TENT5D: variants seen among roughly 807,000 people sequenced by gnomAD.
The protein encoded by TENT5D is terminal nucleotidyltransferase 5D.
For synonymous variants in TENT5D, 103 were observed against 100.6 expected, an observed-to-expected ratio of 1.02 and a Z score of -0.15; for missense variants, 191 against 287.0, an observed-to-expected ratio of 0.67 and a Z score of 2.42.
intron 2 of TENT5D, among the ~76,000 whole-genome samples, chrX:80,337,184 G>C (rs1241265747): frequency 9.0e-6 from 1 of 111,107 alleles, no homozygotes; most frequent in Non-Finnish European, 1.9e-5. Context: ...AATATAAAAA[G>C]GAAAGAAAAT....
chrX:80,415,628 A>G (rs899347042), upstream of TENT5D, among the ~76,000 whole-genome samples: 1 of 112,157 alleles, frequency 8.9e-6, no homozygotes, highest in Non-Finnish European at 1.9e-5. Context: ...CCAACCTTAC[A>G]TCCCAGGGAT....
chrX:80,439,644 A>G (rs929608251), intron 2 of TENT5D, among the ~76,000 whole-genome samples: 2 of 110,846 alleles, frequency 1.8e-5, no homozygotes, highest in Non-Finnish European at 3.8e-5. Context: ...ATTATTGTCA[A>G]ATCTTGATTA....
At chrX:80,373,911 T>G (rs1602508001) in intron 3 of TENT5D, among the ~76,000 whole-genome samples, 1 of 111,371 alleles carries the variant, frequency 9.0e-6, no homozygotes, top group African/African-American at 3.3e-5. Context: ...TCATTGGGTT[T>G]GTTTTATAGA....
chrX:80,409,036 C>A (rs1463106324), intron 3 of TENT5D, among the ~76,000 whole-genome samples: 1 of 110,325 alleles, frequency 9.1e-6, no homozygotes, highest in African/African-American at 3.3e-5. Flanking sequence ...AAGCCTTTGA[C>A]AAAATTCAAC....
chrX:80,423,837 T>A (rs1345567387), intron 1 of TENT5D, among the ~76,000 whole-genome samples: 1 of 111,298 alleles, frequency 9.0e-6, no homozygotes, highest in Non-Finnish European at 1.9e-5. Context: ...CAGAGTCTTG[T>A]TCTCTTATTA....
intron 3 of TENT5D, among the ~76,000 whole-genome samples, chrX:80,414,537 G>A (rs1931730450): frequency 8.9e-6 from 1 of 112,105 alleles, no homozygotes; most frequent in African/African-American, 3.2e-5. Context: ...ATACATTTTA[G>A]GGAGACATAA....
At chrX:80,415,174 G>A (rs1222673413) in intron 3 of TENT5D, among the ~76,000 whole-genome samples, 1 of 111,927 alleles carries the variant, frequency 8.9e-6, no homozygotes, top group Non-Finnish European at 1.9e-5. Context: ...TTGTTTATCA[G>A]ATCAAGAATC....
chrX:80,410,234 T>G (rs1452522815), intron 3 of TENT5D, among the ~76,000 whole-genome samples: 3 of 108,941 alleles, frequency 2.8e-5, no homozygotes, highest in Non-Finnish European at 5.7e-5. Context: ...GAAGCCAAAA[T>G]TGACAAATGG....
chrX:80,384,119 A>C (rs1421920055), intron 3 of TENT5D, among the ~76,000 whole-genome samples: 2 of 105,839 alleles, frequency 1.9e-5, no homozygotes, highest in African/African-American at 3.4e-5. Context: ...GAGACACAAC[A>C]AAAAAAGAGA....
intron 1 of TENT5D, among the ~76,000 whole-genome samples, chrX:80,431,561 A>G (rs1211681501): frequency 1.8e-5 from 2 of 112,272 alleles, no homozygotes; most frequent in African/African-American, 6.5e-5. Context: ...TGGACAATTT[A>G]CAAAAGGAAG....
intron 3 of TENT5D, among the ~76,000 whole-genome samples, chrX:80,377,209 G>A (rs1930746697): frequency 1.8e-5 from 2 of 111,305 alleles, no homozygotes; most frequent in South Asian, 7.5e-4. Flanking sequence ...CTAGATTAGT[G>A]ATAATCATTA....
chrX:80,365,253 C>G (rs1330859900), intron 3 of TENT5D, among the ~76,000 whole-genome samples: 1 of 111,325 alleles, frequency 9.0e-6, no homozygotes, highest in Non-Finnish European at 1.9e-5. Context: ...TTTGTGAGAT[C>G]AGGAAAAAAT....
At chrX:80,424,584 T>G (rs1202253306) in intron 1 of TENT5D, among the ~76,000 whole-genome samples, 3 of 112,339 alleles carry the variant, frequency 2.7e-5, no homozygotes, top group Admixed American at 9.5e-5. Flanking sequence ...TAGTTTAAAA[T>G]GTAGGTAGGC....
At chrX:80,376,023 GT>G (rs1930718986) in intron 3 of TENT5D, among the ~76,000 whole-genome samples, 1 of 110,252 alleles carries the variant, frequency 9.1e-6, no homozygotes, top group African/African-American at 3.3e-5. Context: ...GATAACAACA[GT>G]TTTCTGAAAT....
intron 2 of TENT5D, among the ~76,000 whole-genome samples, chrX:80,341,243 A>G (rs1331571666): frequency 8.9e-6 from 1 of 112,520 alleles, no homozygotes; most frequent in African/African-American, 3.2e-5. Flanking sequence ...AAGAAATACT[A>G]TTTTATATGT....
upstream of TENT5D, among the ~76,000 whole-genome samples, chrX:80,417,303 A>G (rs974032228): frequency 3.6e-5 from 4 of 111,448 alleles, no homozygotes; most frequent in Non-Finnish European, 7.5e-5. Flanking sequence ...CTTTATGTTC[A>G]AGGTTAATAT....
chrX:80,394,221 A>T (rs1325986183), intron 3 of TENT5D, among the ~76,000 whole-genome samples: 2 of 110,550 alleles, frequency 1.8e-5, no homozygotes, highest in Non-Finnish European at 3.8e-5. Flanking sequence ...AACACTTGTT[A>T]TCTTTCATCT....
At chrX:80,361,257 A>C (rs1054780690) in intron 3 of TENT5D, among the ~76,000 whole-genome samples, 1 of 112,078 alleles carries the variant, frequency 8.9e-6, no homozygotes, top group Admixed American at 9.5e-5. Context: ...AAAGTTTCAA[A>C]ATCTAGAGGA....
chrX:80,401,350 A>G (rs1287692260), intron 3 of TENT5D, among the ~76,000 whole-genome samples: 1 of 111,734 alleles, frequency 8.9e-6, no homozygotes, highest in Non-Finnish European at 1.9e-5. Context: ...AGAACATGTC[A>G]TCAGCAAACA....
Sources: allele counts gnomAD v4.1 joint callset (sites outside exome capture counted in the v4.1 genomes callset), GRCh38; gene constraint gnomAD v4.1.1; transcripts MANE v1.5; gene names NCBI Gene and HGNC (gene_info 2026-07-23, HGNC 2026-07-21).